Variants in NRG3 observed in about 807,000 individuals in gnomAD.
NRG3 encodes pro-neuregulin-3, membrane-bound isoform.
NRG3 carries 31 observed loss-of-function variants against 66.9 expected under a neutral mutation model. The ratio of observed to expected loss-of-function variants is 0.46; its 90% CI spans 0.35 to 0.63. The LOEUF (loss-of-function observed/expected upper bound fraction) is 0.63. Among genes scored for constraint, NRG3 ranks in the 20% least tolerant of loss-of-function variants. The pLI is 0.00. For missense variants in NRG3, 910 were observed against 878.9 expected (o/e 1.04, Z -0.45); for synonymous variants, 393 against 359.4 (o/e 1.09, Z -1.06).
chr10:82,539,425 A>G (rs574590191), intron 2 of NRG3, among the ~76,000 whole-genome samples: 52 of 152,258 alleles, frequency 3.4e-4, no homozygotes, highest in African/African-American at 1.2e-3. Context: ...ATTTATTTGT[A>G]TTTTATGTAA....
At chr10:82,098,542 C>T (rs768432374) in intron 1 of NRG3, among the ~76,000 whole-genome samples, 20 of 152,166 alleles carry the variant, frequency 1.3e-4, no homozygotes, top group South Asian at 4.2e-4. Flanking sequence ...TAGGAGAAGA[C>T]GATGGATACA....
intron 2 of NRG3, among the ~76,000 whole-genome samples, chr10:82,723,266 G>T (rs182322715): frequency 6.6e-6 from 1 of 152,100 alleles, no homozygotes; most frequent in African/African-American, 2.4e-5. Flanking sequence ...TGAACAATGG[G>T]TTTACATGGA....
chr10:82,968,324 A>T (rs1851392433), intron 6 of NRG3, among the ~76,000 whole-genome samples: 1 of 152,228 alleles, frequency 6.6e-6, no homozygotes, highest in South Asian at 2.1e-4. Flanking sequence ...TTTCAGGTAC[A>T]AGTAGTCACT....
chr10:82,417,594 T>C (rs2088674803), intron 2 of NRG3, among the ~76,000 whole-genome samples: 1 of 152,202 alleles, frequency 6.6e-6, no homozygotes, highest in African/African-American at 2.4e-5. Context: ...ACTTATGCTA[T>C]TGTCCACAGT....
intron 2 of NRG3, among the ~76,000 whole-genome samples, chr10:82,723,084 C>G (rs2057399038): frequency 6.6e-6 from 1 of 152,102 alleles, no homozygotes; most frequent in Non-Finnish European, 1.5e-5. Context: ...TGCTGATCAA[C>G]AGTGGATTGG....
intron 1 of NRG3, among the ~76,000 whole-genome samples, chr10:82,210,378 G>A (rs981734237): frequency 5.3e-5 from 8 of 152,126 alleles, no homozygotes; most frequent in Non-Finnish European, 7.3e-5. Flanking sequence ...GCTAGAAGGC[G>A]GCTATGTGAC....
chr10:82,917,982 ATATATATATATGTATG>A (rs1276561089), intron 4 of NRG3, among the ~76,000 whole-genome samples: 3 of 120,808 alleles, frequency 2.5e-5, no homozygotes, highest in East Asian at 3.1e-4. Context: ...ATATATATAT[ATATATATATATGTATG>A]TATGTATCTC....
At chr10:82,289,450 A>C (rs1276770077) in intron 1 of NRG3, among the ~76,000 whole-genome samples, 1 of 149,330 alleles carries the variant, frequency 6.7e-6, no homozygotes, top group Non-Finnish European at 1.5e-5. Context: ...CAAGAATTCA[A>C]GTTCTAATAT....
intron 3 of NRG3, among the ~76,000 whole-genome samples, chr10:82,860,720 A>G (rs1372810344): frequency 6.6e-6 from 1 of 152,236 alleles, no homozygotes; most frequent in Non-Finnish European, 1.5e-5. Flanking sequence ...TGGAGTGTTA[A>G]AAGGAAGGAA....
intron 2 of NRG3, among the ~76,000 whole-genome samples, chr10:82,582,193 G>A (rs1287110675): frequency 6.6e-6 from 1 of 151,978 alleles, no homozygotes; most frequent in Non-Finnish European, 1.5e-5. Flanking sequence ...CGAACAGGGT[G>A]GATTCTTTTG....
intron 1 of NRG3, among the ~76,000 whole-genome samples, chr10:82,014,197 G>A (rs566507954): frequency 6.6e-6 from 1 of 152,166 alleles, no homozygotes; most frequent in Non-Finnish European, 1.5e-5. Flanking sequence ...TTACTAATAT[G>A]TAGACTGGGC....
intron 1 of NRG3, among the ~76,000 whole-genome samples, chr10:82,176,796 G>C (rs1206648222): frequency 2.0e-5 from 3 of 151,692 alleles, no homozygotes; most frequent in Non-Finnish European, 1.5e-5. Flanking sequence ...CTACTGACCT[G>C]GATTTGTTTT....
chr10:82,742,799 T>C (rs2058481389), intron 3 of NRG3, among the ~76,000 whole-genome samples: 1 of 152,118 alleles, frequency 6.6e-6, no homozygotes, highest in Non-Finnish European at 1.5e-5. Flanking sequence ...CCTTCCTTAC[T>C]ACCCATTCCC....
At chr10:82,188,500 A>G (rs192671967) in intron 1 of NRG3, among the ~76,000 whole-genome samples, 1 of 152,298 alleles carries the variant, frequency 6.6e-6, no homozygotes, top group Admixed American at 6.5e-5. Flanking sequence ...TACAGTCAAC[A>G]AAGTGGAGAG....
chr10:82,572,959 A>G (rs1041877674), intron 2 of NRG3, among the ~76,000 whole-genome samples: 7 of 151,814 alleles, frequency 4.6e-5, no homozygotes, highest in African/African-American at 1.7e-4. Flanking sequence ...TTGCTCAAGC[A>G]GGGCTGGAGG....
intron 1 of NRG3, among the ~76,000 whole-genome samples, chr10:82,234,923 G>A (rs1218187375): frequency 6.6e-6 from 1 of 152,308 alleles, no homozygotes; most frequent in African/African-American, 2.4e-5. Flanking sequence ...CTGTGTAATC[G>A]GGATGTGTTT....
chr10:82,439,638 T>G (rs965664645), intron 2 of NRG3, among the ~76,000 whole-genome samples: 2 of 152,088 alleles, frequency 1.3e-5, no homozygotes, highest in Non-Finnish European at 2.9e-5. Flanking sequence ...ATTAGTTAAA[T>G]CATTAAAGCA....
At chr10:82,818,664 C>T (rs1258968982) in intron 3 of NRG3, among the ~76,000 whole-genome samples, 1 of 151,870 alleles carries the variant, frequency 6.6e-6, no homozygotes, top group Non-Finnish European at 1.5e-5. Flanking sequence ...AATTAAAATT[C>T]TCCAGCTATT....
intron 4 of NRG3, among the ~76,000 whole-genome samples, chr10:82,934,685 T>C (rs900490247): frequency 9.9e-5 from 15 of 152,144 alleles, no homozygotes; most frequent in African/African-American, 3.6e-4. Context: ...TCCTAACTTA[T>C]CTGGTAAGGA....
Sources: allele counts gnomAD v4.1 joint callset (sites outside exome capture counted in the v4.1 genomes callset), GRCh38; gene constraint gnomAD v4.1.1; transcripts MANE v1.5; gene names NCBI Gene and HGNC (gene_info 2026-07-23, HGNC 2026-07-21).